The following XPR1 variants were observed in gnomAD, a reference collection of about 807,000 sequenced individuals.
XPR1 encodes the protein xenotropic and polytropic retrovirus receptor 1, also known as solute carrier family 53 member 1.
Under a neutral mutation model 87.5 loss-of-function variants are expected in XPR1, and 28 were observed. That is an observed-to-expected ratio of 0.32 (90% CI 0.24 to 0.44). The LOEUF (loss-of-function observed/expected upper bound fraction) is 0.44. Ranked by LOEUF, XPR1 falls within the 20% of genes least tolerant of loss-of-function variation. The pLI is 1.00. For missense variants in XPR1, 559 were observed against 862.3 expected, an observed-to-expected ratio of 0.65 and a Z score of 4.41; for synonymous variants, 300 against 306.1, an observed-to-expected ratio of 0.98 and a Z score of 0.21.
chr1:180,750,445 C>T (rs892925249), intron 2 of XPR1, among the ~76,000 whole-genome samples: 2 of 152,060 alleles, frequency 1.3e-5, no homozygotes, highest in African/African-American at 2.4e-5. Context: ...AAAAGAATAG[C>T]ATGGAGTAAT....
intron 1 of XPR1, among the ~76,000 whole-genome samples, chr1:180,650,076 C>T (rs1281341535): frequency 6.6e-6 from 1 of 152,068 alleles, no homozygotes; most frequent in African/African-American, 2.4e-5. Flanking sequence ...GTTAAAACCT[C>T]TTATCTGCTG....
rs542607078 is a variant in XPR1 at position 180,695,458 on chromosome 1, G to A, written c.121+13047G>A. On this transcript the variant is annotated intron_variant, in intron 2 of 14. Transcript: ENST00000367590. ...TGTGTGTGTATGCGCGCGCACGCGC[G>A]CGCTTTTGTTGCCTGCGCTTTTGAA... 6.9e-5 allele frequency among the ~76,000 whole-genome samples: 10 copies of A among 145,552 alleles called. No homozygotes were observed. The East Asian group carries it at 1.9e-3, about 28-fold the overall frequency.
At chr1:180,824,246 A>G (rs1558026219) in intron 7 of XPR1, among the ~76,000 whole-genome samples, 1 of 152,230 alleles carries the variant, frequency 6.6e-6, no homozygotes. Context: ...AGTAAAATGA[A>G]GACGAGAAAG....
At chr1:180,738,909 GT>G (rs35968683) in intron 2 of XPR1, among the ~76,000 whole-genome samples, 1 of 151,714 alleles carries the variant, frequency 6.6e-6, no homozygotes, top group South Asian at 2.1e-4. Flanking sequence ...CAATTTATCA[GT>G]TTTTTTTCAT....
chr1:180,662,480 A>G (rs1655813355), intron 1 of XPR1, among the ~76,000 whole-genome samples: 2 of 152,176 alleles, frequency 1.3e-5, no homozygotes. Context: ...TTCCACTGAA[A>G]AGTCTGCTGC....
At chr1:180,646,666 G>A (rs1362730364) in intron 1 of XPR1, among the ~76,000 whole-genome samples, 1 of 152,120 alleles carries the variant, frequency 6.6e-6, no homozygotes, top group Non-Finnish European at 1.5e-5. Flanking sequence ...ATTCAAAGAA[G>A]CTCTCTGCTC....
At chr1:180,767,938 G>A (rs907716931) in intron 2 of XPR1, among the ~76,000 whole-genome samples, 3 of 151,702 alleles carry the variant, frequency 2.0e-5, no homozygotes, top group Non-Finnish European at 2.9e-5. Context: ...TCCACCTCCC[G>A]GGTTCACACC....
intron 2 of XPR1, among the ~76,000 whole-genome samples, chr1:180,696,208 G>GTATATATATATATATA (rs71121045): frequency 9.0e-5 from 8 of 88,588 alleles, no homozygotes; most frequent in South Asian, 4.8e-4. Context: ...GTGTGTGTGT[G>GTATATATATATATATA]TATATATATA....
intron 2 of XPR1, among the ~76,000 whole-genome samples, chr1:180,761,415 A>G (rs1648024702): frequency 6.6e-6 from 1 of 152,198 alleles, no homozygotes; most frequent in Non-Finnish European, 1.5e-5. Context: ...AACTCAAACA[A>G]ATTTACAAGA....
chr1:180,645,878 C>T (rs537816873), intron 1 of XPR1, among the ~76,000 whole-genome samples: 1 of 152,330 alleles, frequency 6.6e-6, no homozygotes, highest in East Asian at 1.9e-4. Flanking sequence ...GCCGTCTAGT[C>T]ATGGCAGCTG....
At chr1:180,708,595 T>A (rs1235454934) in intron 2 of XPR1, among the ~76,000 whole-genome samples, 2 of 151,574 alleles carry the variant, frequency 1.3e-5, no homozygotes, top group Non-Finnish European at 2.9e-5. Flanking sequence ...TTTTTTTTTT[T>A]AACCTATATT....
chr1:180,752,624 G>A (rs896068553), intron 2 of XPR1, among the ~76,000 whole-genome samples: 1 of 152,082 alleles, frequency 6.6e-6, no homozygotes, highest in African/African-American at 2.4e-5. Flanking sequence ...CTTGTTTGGG[G>A]TGAAGGGACT....
At chr1:180,659,361 GTCCTTCCGTCCGTCCT>G (rs1320617801) in intron 1 of XPR1, among the ~76,000 whole-genome samples, 8 of 90,092 alleles carry the variant, frequency 8.9e-5, no homozygotes, top group Admixed American at 3.8e-4. Context: ...CCGTCCTTCC[GTCCTTCCGTCCGTCCT>G]TCCGTCCTTC....
At chr1:180,835,366 T>C (rs1651243994) in intron 10 of XPR1, among the ~76,000 whole-genome samples, 1 of 152,102 alleles carries the variant, frequency 6.6e-6, no homozygotes, top group Non-Finnish European at 1.5e-5. Context: ...ACTATTGCTG[T>C]ATAATGTAAC....
At chr1:180,769,417 C>CA (rs1294804140) in intron 2 of XPR1, among the ~76,000 whole-genome samples, 4 of 144,456 alleles carry the variant, frequency 2.8e-5, no homozygotes, top group Non-Finnish European at 6.0e-5. Flanking sequence ...ACCCCCTAAC[C>CA]TCCCCCACTA....
At chr1:180,786,069 T>C (rs1043520215) in intron 2 of XPR1, among the ~76,000 whole-genome samples, 4 of 151,990 alleles carry the variant, frequency 2.6e-5, no homozygotes, top group Admixed American at 1.3e-4. Context: ...TTGCGGAGTT[T>C]AAAGTGGCCA....
chr1:180,877,204 T>C (rs12089305), intron 13 of XPR1, among the ~76,000 whole-genome samples: 6,554 of 152,224 alleles, frequency 0.043, 504 homozygotes, highest in African/African-American at 0.15. Context: ...TATGGGAATA[T>C]GAAAGGTCAA....
Position 180,873,899 on chromosome 1 carries a change from G to A in XPR1, c.1765G>A (p.Gly589Arg). The A allele has an allele frequency of 6.2e-7, 1 of 1,614,030 alleles. No individual in the cohort carries two copies. The highest frequency in any genetic ancestry group is 8.5e-7 in the Non-Finnish European group (1 of 1,179,972). Residue 589 changes from glycine (G) to arginine (R), a missense_variant, in exon 13 of 15, where the codon GGG (glycine) becomes AGG (arginine). Coordinates refer to ENST00000367590, the MANE Select transcript of XPR1 (RefSeq NM_004736.4). ...ITSTTLLPHS[G>R]DIIATVFAPL... ...CTCTACAACTTTGTTGCCTCATTCT[G>A]GGGACATCATTGCTACTGTCTTTGC...
At chr1:180,672,939 C>G (rs968257483) in intron 1 of XPR1, among the ~76,000 whole-genome samples, 2 of 152,180 alleles carry the variant, frequency 1.3e-5, no homozygotes, top group Admixed American at 1.3e-4. Context: ...CTTGCCCTTT[C>G]TCTTCATATG....
Sources: gnomAD v4.1 joint callset for allele counts (sites outside exome capture counted in the v4.1 genomes callset) on GRCh38, gnomAD v4.1.1 for gene constraint, MANE v1.5 for transcripts, NCBI Gene and HGNC (gene_info 2026-07-23, HGNC 2026-07-21) for gene names.